Variants in RPS6KA1 observed in about 807,000 individuals in gnomAD.
The protein encoded by RPS6KA1 is ribosomal protein S6 kinase A1.
A neutral mutation model predicts 91.3 loss-of-function variants in RPS6KA1; 48 were observed. That is an observed-to-expected ratio of 0.53 (90% CI 0.42 to 0.67). The LOEUF (loss-of-function observed/expected upper bound fraction) is 0.67, where lower values mean the gene tolerates loss of function less well. RPS6KA1 is among the 30% of genes least tolerant of loss of function. RPS6KA1 has a pLI of 0.00. For missense variants in RPS6KA1, 719 were observed against 960.5 expected (o/e 0.75, Z 3.32); for synonymous variants, 359 against 384.7 (o/e 0.93, Z 0.78).
Position 26,547,614 on chromosome 1 carries a change from G to C in RPS6KA1, c.307+344G>C. ...GGAGACCTCTGTGGCCCCTAACTCA[G>C]GGGCCTGAGAGAAGGGCGTGAGTGA... is the stretch of plus-strand genomic sequence containing the variant. On this transcript the variant is annotated intron_variant, in intron 4 of 21. Transcript: ENST00000374168. The surrounding 1 kb of genome is among the most constrained non-coding windows in gnomAD (Gnocchi z 4.1). The C allele has an allele frequency of 3.9e-6, 1 of 257,620 alleles. No homozygotes were observed. Among genetic ancestry groups the C allele is most frequent in the Non-Finnish European group, 7.8e-6 (1 of 127,444 alleles). The allele number at this position is 257,620 out of a possible 1,614,324, so 16.0% of individuals were successfully genotyped here.
intron 17 of RPS6KA1, among the ~76,000 whole-genome samples, chr1:26,567,762 G>A (rs2076216605): frequency 6.6e-6 from 1 of 152,144 alleles, no homozygotes; most frequent in Non-Finnish European, 1.5e-5. Context: ...CAGTTCTGGG[G>A]TTACTGTGAT....
intron 17 of RPS6KA1, among the ~76,000 whole-genome samples, chr1:26,566,474 A>G (rs2076203362): frequency 6.6e-6 from 1 of 151,766 alleles, no homozygotes; most frequent in East Asian, 1.9e-4. Flanking sequence ...TTTAGTAGAG[A>G]CAGGGTTTCA....
Position 26,558,049 on chromosome 1 carries a change from G to A in RPS6KA1, c.1085-758G>A, listed in dbSNP as rs907239493. ...TCACCATGTTGGCCAGGCTGGTCTC[G>A]AACTCCTGACCTCAGGTGATCCACA... On this transcript the variant is annotated intron_variant, in intron 13 of 21. Coordinates refer to ENST00000374168, the MANE Select transcript of RPS6KA1 (RefSeq NM_002953.4). The surrounding 1 kb of genome is among the most constrained non-coding windows in gnomAD (Gnocchi z 4.0). Among the ~76,000 whole-genome samples the A allele has an allele frequency of 2.6e-5, 4 of 151,758 alleles. No individual in the cohort carries two copies. The highest frequency in any genetic ancestry group is 4.4e-5 in the Non-Finnish European group (3 of 67,960).
In RPS6KA1 at chr1:26,557,055, G is replaced by A; in HGVS notation, c.1039G>A (p.Asp347Asn). ...PFKPAVAQPD[D>N]TFYFDTEFTS... The stretch of plus-strand genomic sequence containing the variant: ...CAAGCCAGCAGTGGCTCAGCCTGAT[G>A]ACACCTTCTACTTTGACACCGAGTT... The change falls in exon 13 of 22, where the codon GAC (aspartate) becomes AAC (asparagine). Residue 347 changes from aspartate to asparagine, a missense_variant. By Grantham distance (23) the Asp-to-Asn change is conservative (BLOSUM62 1). This residue lies in a region of RPS6KA1 where 228 missense variants were observed against 247.6 expected (regional missense o/e 0.92). Coordinates refer to ENST00000374168, the MANE Select transcript of RPS6KA1 (RefSeq NM_002953.4). The A allele has an allele frequency of 1.2e-5, 19 of 1,614,134 alleles. No individual in the cohort carries two copies. Among genetic ancestry groups the A allele is most frequent in the Non-Finnish European group, 1.6e-5 (19 of 1,180,028 alleles).
Position 26,571,247 on chromosome 1 carries a change from G to T in RPS6KA1, c.1591-202G>T. 1.7e-6 allele frequency: 1 copy of T among 574,404 alleles called. No individual in the cohort carries two copies. Among genetic ancestry groups the T allele is most frequent in the Non-Finnish European group, 3.1e-6 (1 of 322,010 alleles). The allele number at this position is 574,404 out of a possible 1,614,324, so 35.6% of individuals were successfully genotyped here. On this transcript the variant is annotated intron_variant, in intron 17 of 21. Transcript: ENST00000374168. The surrounding 1 kb of genome is among the most constrained non-coding windows in gnomAD (Gnocchi z 5.1). Reference sequence around the variant, plus strand: ...AGTTCAGTTTTGACAGGTTAACTTAGAGCTACCTGTAGACACCTACACAGA... The same window carrying T: ...AGTTCAGTTTTGACAGGTTAACTTATAGCTACCTGTAGACACCTACACAGA...
At chr1:26,552,919 T>C in intron 6 of RPS6KA1, 1 of 345,972 alleles carries the variant, frequency 2.9e-6, no homozygotes, top group Non-Finnish European at 5.7e-6. Flanking sequence ...ATTGGTTTCT[T>C]GTTTAACTTT....
intron 17 of RPS6KA1, among the ~76,000 whole-genome samples, chr1:26,567,549 T>G (rs1261922535): frequency 2.0e-5 from 3 of 152,102 alleles, no homozygotes; most frequent in Non-Finnish European, 4.4e-5. Flanking sequence ...CCCGGCTAAC[T>G]TTTGTATTTT....
Position 26,555,885 on chromosome 1 carries a change from C to T in RPS6KA1, c.916+260C>T, listed in dbSNP as rs1557504559. On this transcript the variant is annotated intron_variant, in intron 11 of 21. Coordinates refer to ENST00000374168, the MANE Select transcript of RPS6KA1 (RefSeq NM_002953.4). This position sits in a 1 kb window ranked among gnomAD's most constrained non-coding sequence, Gnocchi z 4.3. Reference sequence around the variant, plus strand: ...GACAGAGGCCCCCACACAGCTTCTCCGCCAAGGCTGCTGGCACAAGAGAAA... The same window carrying T: ...GACAGAGGCCCCCACACAGCTTCTCTGCCAAGGCTGCTGGCACAAGAGAAA... Among the ~76,000 whole-genome samples, 1 of 152,180 alleles carries T rather than the reference C, an allele frequency of 6.6e-6. No homozygotes were observed.
intron 2 of RPS6KA1, among the ~76,000 whole-genome samples, chr1:26,542,720 A>T (rs1217369278): frequency 2.6e-5 from 4 of 152,012 alleles, no homozygotes; most frequent in Admixed American, 6.5e-5. Flanking sequence ...GTGGGTGGGC[A>T]TAGCCATGGG....
chr1:26,556,887 A>C, intron 12 of RPS6KA1, 111 bp from the exon 13 acceptor site: 1 of 1,161,770 alleles, frequency 8.6e-7, no homozygotes, highest in Non-Finnish European at 1.3e-6. Context: ...AGCAATTCCG[A>C]GAGCTGGGCA....
intron 2 of RPS6KA1, chr1:26,543,319 G>A (rs1199024821): frequency 4.3e-6 from 4 of 925,884 alleles, no homozygotes; most frequent in Admixed American, 4.1e-5. Context: ...TTTCTGGGTG[G>A]TTTCCTGTCT....
intron 4 of RPS6KA1, among the ~76,000 whole-genome samples, chr1:26,548,506 A>C (rs1286448173): frequency 2.0e-5 from 3 of 152,134 alleles, no homozygotes; most frequent in Non-Finnish European, 2.9e-5. Flanking sequence ...TGGTTTGAAA[A>C]TGTAAGGTAA....
At chr1:26,556,927 C>T in intron 12 of RPS6KA1, 71 bp from the exon 13 acceptor site, 1 of 1,308,260 alleles carries the variant, frequency 7.6e-7, no homozygotes, top group Non-Finnish European at 1.1e-6. Context: ...CCCAGCACCT[C>T]CTCCTGCATG....
In RPS6KA1 at chr1:26,563,710, G is replaced by T. The variant is rs937855298; in HGVS notation, c.1590+2047G>T. ...GTCTCACATTCTGAATTTGTCTGTC[G>T]GCTGCCTCCTGGATCATTTACATTA... On this transcript the variant is annotated intron_variant, in intron 17 of 21. Coordinates refer to ENST00000374168, the MANE Select transcript of RPS6KA1 (RefSeq NM_002953.4). 2.0e-5 allele frequency among the ~76,000 whole-genome samples: 3 copies of T among 152,002 alleles called. No individual in the cohort carries two copies. The East Asian group carries it at 5.8e-4, about 29-fold the overall frequency.
intron 2 of RPS6KA1, among the ~76,000 whole-genome samples, chr1:26,543,743 G>T (rs946714424): frequency 1.3e-5 from 2 of 152,150 alleles, no homozygotes; most frequent in African/African-American, 2.4e-5. Context: ...CTGACCCCAG[G>T]CCAGGCAGTA....
intron 2 of RPS6KA1, among the ~76,000 whole-genome samples, chr1:26,538,096 G>A (rs2075919766): frequency 6.6e-6 from 1 of 152,158 alleles, no homozygotes; most frequent in South Asian, 2.1e-4. Flanking sequence ...TGACTGAGCT[G>A]GGTAGGATAG....
chr1:26,544,820 T>C (rs2075978238), intron 2 of RPS6KA1, among the ~76,000 whole-genome samples: 1 of 152,128 alleles, frequency 6.6e-6, no homozygotes, highest in South Asian at 2.1e-4. Flanking sequence ...GTTGGGTTGG[T>C]ATTCTCTTCT....
rs2076277753 is a variant in RPS6KA1 at position 26,574,324 on chromosome 1, C to T, written c.*123C>T. On this transcript the variant is annotated 3_prime_UTR_variant, in exon 22 of 22. Coordinates refer to ENST00000374168, the MANE Select transcript of RPS6KA1 (RefSeq NM_002953.4). The surrounding 1 kb of genome is among the most constrained non-coding windows in gnomAD (Gnocchi z 4.3). Reference sequence around the variant, plus strand: ...GGAACCCGAGGGGCCGGGGAAGCTGCCAGCCCAGAACACCCCTAATGAGGG... The same window carrying T: ...GGAACCCGAGGGGCCGGGGAAGCTGTCAGCCCAGAACACCCCTAATGAGGG... 1.6e-6 allele frequency: 2 copies of T among 1,257,848 alleles called. No homozygotes were observed. Among genetic ancestry groups the T allele is most frequent in the East Asian group, 2.3e-5 (1 of 43,062 alleles). 77.9% of individuals were successfully genotyped at this position (1,257,848 alleles called of 1,614,324 possible). A position where few individuals can be genotyped will look rare whatever the true frequency, so the allele number is the denominator to read the frequency against.
Position 26,529,761 on chromosome 1 carries a change from G to A in RPS6KA1, c.-160G>A. ...GCGGCGCCGGGTGACGGAGGGAGCC[G>A]AAGTGCTAGTGCCGCGGCGGCGGCG... On this transcript the variant is annotated 5_prime_UTR_variant, in exon 1 of 22. Transcript: ENST00000374168. The surrounding 1 kb of genome is among the most constrained non-coding windows in gnomAD (Gnocchi z 4.2). The A allele has an allele frequency of 2.9e-6, 1 of 341,106 alleles. No homozygotes were observed. Among genetic ancestry groups the A allele is most frequent in the Non-Finnish European group, 4.8e-6 (1 of 210,126 alleles). The allele number at this position is 341,106 out of a possible 1,614,324, so 21.1% of individuals were successfully genotyped here.
Sources: allele counts gnomAD v4.1 joint callset (sites outside exome capture counted in the v4.1 genomes callset), GRCh38; gene constraint gnomAD v4.1.1; regional missense constraint gnomAD v4.1.1; non-coding constraint Gnocchi (gnomAD v3.1); transcripts MANE v1.5; gene names NCBI Gene and HGNC (gene_info 2026-07-23, HGNC 2026-07-21).